IQGAP2: variants seen among roughly 807,000 people sequenced by gnomAD.
IQGAP2 encodes ras GTPase-activating-like protein IQGAP2.
IQGAP2 carries 173 observed loss-of-function variants against 201.3 expected under a neutral mutation model. That is an observed-to-expected ratio of 0.86 (90% CI 0.76 to 0.98). IQGAP2 has a LOEUF of 0.98. Among genes scored for constraint, IQGAP2 ranks in the 50% least tolerant of loss-of-function variants. The pLI is 0.00. For synonymous variants in IQGAP2, 675 were observed against 673.9 expected (o/e 1.00, Z -0.03); for missense variants, 1,687 against 1,864.8 (o/e 0.90, Z 1.76).
At chr5:76,455,970 TC>T (rs372773854) in intron 1 of IQGAP2, among the ~76,000 whole-genome samples, 4 of 152,304 alleles carry the variant, frequency 2.6e-5, no homozygotes, top group African/African-American at 9.6e-5. Flanking sequence ...GGGGAACAGT[TC>T]CAGGAATGAT....
At chr5:76,664,930 G>C in intron 21 of IQGAP2, 96 bp from the exon 22 acceptor site, 1 of 714,642 alleles carries the variant, frequency 1.4e-6, no homozygotes, top group South Asian at 1.9e-5. Context: ...AGGTATGCCT[G>C]TATTTCCAAT....
chr5:76,686,722 G>A (rs765110017), intron 30 of IQGAP2, among the ~76,000 whole-genome samples: 3 of 152,036 alleles, frequency 2.0e-5, no homozygotes, highest in African/African-American at 4.8e-5. Flanking sequence ...TGTCAGCCAG[G>A]ATGGTCTCCA....
intron 28 of IQGAP2, among the ~76,000 whole-genome samples, chr5:76,680,029 G>A (rs1745142084): frequency 6.6e-6 from 1 of 152,128 alleles, no homozygotes; most frequent in Non-Finnish European, 1.5e-5. Flanking sequence ...CATGTGTCAG[G>A]GAAATGTTAA....
At chr5:76,421,993 G>A (rs1166582853) in intron 1 of IQGAP2, among the ~76,000 whole-genome samples, 1 of 152,140 alleles carries the variant, frequency 6.6e-6, no homozygotes, top group Non-Finnish European at 1.5e-5. Context: ...TGTGCTTGGT[G>A]CCTGACACAT....
chr5:76,696,512 G>C (rs1301953522), intron 32 of IQGAP2, among the ~76,000 whole-genome samples: 2 of 152,114 alleles, frequency 1.3e-5, no homozygotes, highest in Non-Finnish European at 2.9e-5. Flanking sequence ...GGGTTAGAAG[G>C]ATATTTCATT....
chr5:76,610,097 TATATATATATATATATA>T (rs1356674287), intron 12 of IQGAP2, among the ~76,000 whole-genome samples: 1 of 17,062 alleles, frequency 5.9e-5, no homozygotes, highest in African/African-American at 1.6e-4. Flanking sequence ...TATATATATA[TATATATATATATATATA>T]TTTTTTTTTT....
intron 2 of IQGAP2, among the ~76,000 whole-genome samples, chr5:76,503,174 C>CTTTTTTTTTTTTTTTTT (rs11297908): frequency 1.8e-5 from 2 of 109,354 alleles, no homozygotes; most frequent in African/African-American, 7.2e-5. Flanking sequence ...CTTTTCTTTT[C>CTTTTTTTTTTTTTTTTT]TTTTTTTTTT....
intron 35 of IQGAP2, among the ~76,000 whole-genome samples, chr5:76,705,609 C>T (rs528016075): frequency 6.6e-6 from 1 of 152,232 alleles, no homozygotes; most frequent in Non-Finnish European, 1.5e-5. Context: ...CTCCTCTACA[C>T]TCTAAATAGC....
chr5:76,562,812 C>T (rs895546443), intron 3 of IQGAP2, among the ~76,000 whole-genome samples: 9 of 152,160 alleles, frequency 5.9e-5, no homozygotes, highest in Admixed American at 3.9e-4. Context: ...GGAAGTCACT[C>T]TTGACTTTAT....
At chr5:76,416,839 A>G (rs1429045361) in intron 1 of IQGAP2, among the ~76,000 whole-genome samples, 1 of 146,798 alleles carries the variant, frequency 6.8e-6, no homozygotes, top group African/African-American at 2.5e-5. Context: ...GCTCTTCTTT[A>G]TTTTTGGAGA....
At chr5:76,520,220 T>C (rs1455110605) in intron 2 of IQGAP2, among the ~76,000 whole-genome samples, 2 of 152,148 alleles carry the variant, frequency 1.3e-5, no homozygotes, top group African/African-American at 4.8e-5. Context: ...ATGTAAGGTA[T>C]AAGTTAAGGG....
intron 2 of IQGAP2, among the ~76,000 whole-genome samples, chr5:76,507,702 A>G (rs1300916016): frequency 2.0e-5 from 3 of 152,226 alleles, no homozygotes; most frequent in African/African-American, 7.2e-5. Flanking sequence ...ACAATAAGAA[A>G]ACAATCTGAT....
chr5:76,687,105 G>A (rs1188035244), intron 30 of IQGAP2, among the ~76,000 whole-genome samples: 2 of 152,250 alleles, frequency 1.3e-5, no homozygotes, highest in South Asian at 2.1e-4. Flanking sequence ...TAGGTCTCTT[G>A]CAGTTATATG....
At chr5:76,605,544 T>C (rs937745187) in intron 11 of IQGAP2, among the ~76,000 whole-genome samples, 1 of 152,074 alleles carries the variant, frequency 6.6e-6, no homozygotes, top group Admixed American at 6.6e-5. Flanking sequence ...AATGGGCAGG[T>C]GAAAAGGAAT....
intron 3 of IQGAP2, among the ~76,000 whole-genome samples, chr5:76,563,829 G>T (rs891057799): frequency 2.6e-5 from 4 of 152,074 alleles, no homozygotes; most frequent in African/African-American, 7.2e-5. Context: ...GTTGGAAAAG[G>T]AATGATTTCC....
At chr5:76,461,753 G>A in intron 2 of IQGAP2, 84 bp downstream of exon 2, 1 of 924,576 alleles carries the variant, frequency 1.1e-6, no homozygotes, top group Non-Finnish European at 1.7e-6. Flanking sequence ...TGACCAGAGG[G>A]TTCTGAAATG....
At chr5:76,680,818 A>T (rs1580805213) in intron 28 of IQGAP2, among the ~76,000 whole-genome samples, 2 of 147,708 alleles carry the variant, frequency 1.4e-5, no homozygotes, top group African/African-American at 5.0e-5. Context: ...AAAAAAAAAA[A>T]TTTCATCCAG....
chr5:76,671,715 A>T, intron 23 of IQGAP2, 44 bp from the exon 24 acceptor site: 10 of 1,278,510 alleles, frequency 7.8e-6, no homozygotes, highest in Admixed American at 4.2e-5. Context: ...AAAAATCTGT[A>T]TCCATGGAAG....
chr5:76,575,700 A>T lies in IQGAP2; in HGVS notation c.389A>T (p.Tyr130Phe), dbSNP rs867999465. The change falls in exon 5 of 36, where the codon TAT becomes TTT. Residue 130 changes from tyrosine (Y) to phenylalanine (F), a missense_variant. Tyr to Phe is a conservative substitution (Grantham distance 22). Coordinates refer to ENST00000274364, the MANE Select transcript of IQGAP2 (RefSeq NM_006633.5). The stretch of plus-strand genomic sequence containing the variant: ...GTTTCTTTTGTTTTCCAGATATTTT[A>T]TCCAGAAACAACAGATGTCTATGAT... Reference protein sequence around the residue: ...MESIGLPKIFYPETTDVYDRK... With the variant: ...MESIGLPKIFFPETTDVYDRK... The T allele has an allele frequency of 6.4e-7, 1 of 1,568,524 alleles. No individual in the cohort carries two copies. Among genetic ancestry groups the T allele is most frequent in the Admixed American group, 1.8e-5 (1 of 56,866 alleles).
Sources: gnomAD v4.1 joint callset for allele counts (sites outside exome capture counted in the v4.1 genomes callset) on GRCh38, gnomAD v4.1.1 for gene constraint, MANE v1.5 for transcripts, NCBI Gene and HGNC (gene_info 2026-07-23, HGNC 2026-07-21) for gene names.